The following PCDHGA1 variants were observed in gnomAD, a reference collection of about 807,000 sequenced individuals.
The protein encoded by PCDHGA1 is protocadherin gamma-A1.
A neutral mutation model predicts 58.0 loss-of-function variants in PCDHGA1; 32 were observed. The ratio of observed to expected loss-of-function variants is 0.55; its 90% CI spans 0.42 to 0.74. The LOEUF is 0.74. Ranked by LOEUF, PCDHGA1 falls within the 30% of genes least tolerant of loss-of-function variation. PCDHGA1 has a pLI of 0.00. For missense variants in PCDHGA1, 1,205 were observed against 1,182.3 expected (o/e 1.02, Z -0.28); for synonymous variants, 498 against 501.1 (o/e 0.99, Z 0.08).
In PCDHGA1 at chr5:141,477,787, C is replaced by A; in HGVS notation, c.2422-17020C>A. The stretch of plus-strand genomic sequence containing the variant: ...CCAACATCAGCGTGAACATATTTGT[C>A]ACTGATCGCAATGACAATGCCCCCC... On this transcript the variant is annotated intron_variant, in intron 1 of 3. Transcript: ENST00000517417. The surrounding 1 kb of genome is among the most constrained non-coding windows in gnomAD (Gnocchi z 4.9). The A allele has an allele frequency of 6.2e-7, 1 of 1,614,092 alleles. No homozygotes were observed. The highest frequency in any genetic ancestry group is 8.5e-7 in the Non-Finnish European group (1 of 1,180,034).
chr5:141,422,790 C>G, intron 1 of PCDHGA1: 1 of 1,614,060 alleles, frequency 6.2e-7, no homozygotes, highest in South Asian at 1.1e-5. Context: ...TACAATCCTT[C>G]GACTATGAGC....
chr5:141,477,212 C>T lies in PCDHGA1; in HGVS notation c.2422-17595C>T, dbSNP rs1488282405. On this transcript the variant is annotated intron_variant, in intron 1 of 3. Coordinates refer to ENST00000517417, the MANE Select transcript of PCDHGA1 (RefSeq NM_018912.3). This position sits in a 1 kb window ranked among gnomAD's most constrained non-coding sequence, Gnocchi z 4.9. ...GTACAGCCCAGTACCCGAGGATGCC[C>T]CTCTGGGGACTGTCATCGCTTTGCT... 11 of 1,614,048 alleles carry T rather than the reference C, an allele frequency of 6.8e-6. No individual in the cohort carries two copies. The highest frequency in any genetic ancestry group is 1.3e-5 in the African/African-American group (1 of 74,918).
At chr5:141,349,316 C>A (rs1052466921) in intron 1 of PCDHGA1, among the ~76,000 whole-genome samples, 2 of 152,140 alleles carry the variant, frequency 1.3e-5, no homozygotes, top group African/African-American at 4.8e-5. Context: ...GTGTTCTTCC[C>A]ACCTTGGCCT....
At chr5:141,408,590 G>A (rs776799830) in intron 1 of PCDHGA1, 4 of 1,613,956 alleles carry the variant, frequency 2.5e-6, no homozygotes, top group East Asian at 2.2e-5. Context: ...TAATGACCAC[G>A]CCCCTCAATT....
Position 141,490,177 on chromosome 5 carries a change from T to C in PCDHGA1, c.2422-4630T>C, listed in dbSNP as rs780298274. 12 of 1,613,622 alleles carry C rather than the reference T, an allele frequency of 7.4e-6. No individual in the cohort carries two copies. The highest frequency in any genetic ancestry group is 1.0e-5 in the Non-Finnish European group (12 of 1,179,932). On this transcript the variant is annotated intron_variant, in intron 1 of 3. Transcript: ENST00000517417. This position sits in a 1 kb window ranked among gnomAD's most constrained non-coding sequence, Gnocchi z 5.4. The stretch of plus-strand genomic sequence containing the variant: ...GTTGGGTCCCATAGACTTTGAGGAG[T>C]CACGTTTCTATGAAATTCATGCAAG...
At chr5:141,415,740 G>GTTTTTTTTTTTTTTTTTTTTTTTTTTT (rs57426385) in intron 1 of PCDHGA1, 4 of 625,042 alleles carry the variant, frequency 6.4e-6, no homozygotes, top group Non-Finnish European at 6.4e-6. Flanking sequence ...GTTTATTAAG[G>GTTTTTTTTTTTTTTTTTTTTTTTTTTT]TTTTTTTTTT....
chr5:141,491,869 G>C lies in PCDHGA1; in HGVS notation c.2422-2938G>C. On this transcript the variant is annotated intron_variant, in intron 1 of 3. Transcript: ENST00000517417. This position sits in a 1 kb window ranked among gnomAD's most constrained non-coding sequence, Gnocchi z 6.9. ...GGACCGTTTGCGCGAAACCAGAGTG[G>C]CCGATTAAGGGATGGGGCTCCGAGC... The C allele has an allele frequency of 6.9e-7, 1 of 1,453,094 alleles. No homozygotes were observed. Among genetic ancestry groups the C allele is most frequent in the South Asian group, 1.5e-5 (1 of 68,080 alleles). 90.0% of individuals were successfully genotyped at this position (1,453,094 alleles called of 1,614,324 possible).
intron 1 of PCDHGA1, among the ~76,000 whole-genome samples, chr5:141,438,587 CATACATAT>C (rs1166583123): frequency 1.2e-4 from 9 of 73,430 alleles, no homozygotes; most frequent in Non-Finnish European, 1.6e-4. Flanking sequence ...TACATACATA[CATACATAT>C]ATATATATAT....
At chr5:141,469,111 T>TA (rs1275770294) in intron 1 of PCDHGA1, among the ~76,000 whole-genome samples, 1 of 151,476 alleles carries the variant, frequency 6.6e-6, no homozygotes, top group African/African-American at 2.4e-5. Context: ...AACCTGTCTC[T>TA]AAAAAAATTT....
At chr5:141,454,625 C>T (rs1193628253) in intron 1 of PCDHGA1, among the ~76,000 whole-genome samples, 2 of 151,512 alleles carry the variant, frequency 1.3e-5, no homozygotes, top group East Asian at 1.9e-4. Flanking sequence ...AGGCTGGTCT[C>T]GAACCCCCAA....
intron 1 of PCDHGA1, among the ~76,000 whole-genome samples, chr5:141,405,786 T>C (rs72790035): frequency 0.064 from 9,727 of 151,196 alleles, 364 homozygotes; most frequent in African/African-American, 0.1. Context: ...CCCTTAACTT[T>C]CTATTATAGT....
chr5:141,405,229 C>T, intron 1 of PCDHGA1: 1 of 1,614,144 alleles, frequency 6.2e-7, no homozygotes, highest in Non-Finnish European at 8.5e-7. Context: ...AGTTCTCCCT[C>T]ACCGCTGACT....
At chr5:141,399,751 G>T (rs564705346) in intron 1 of PCDHGA1, 2 of 1,613,322 alleles carry the variant, frequency 1.2e-6, no homozygotes, top group Non-Finnish European at 1.7e-6. Context: ...CAGCGCAAAC[G>T]TGAGCCTGCG....
At chr5:141,461,354 C>T (rs1189322704) in intron 1 of PCDHGA1, among the ~76,000 whole-genome samples, 2 of 152,054 alleles carry the variant, frequency 1.3e-5, no homozygotes, top group Non-Finnish European at 2.9e-5. Context: ...GGTGGTAGCT[C>T]GTTGTGGTTT....
chr5:141,351,167 T>C, intron 1 of PCDHGA1: 7 of 1,613,944 alleles, frequency 4.3e-6, no homozygotes, highest in Non-Finnish European at 5.9e-6. Context: ...CAATGGCACA[T>C]TGGATTTTGA....
intron 1 of PCDHGA1, chr5:141,351,209 G>A (rs764944772): frequency 6.2e-7 from 1 of 1,614,032 alleles, no homozygotes; most frequent in Non-Finnish European, 8.5e-7. Flanking sequence ...GAGTGTGGAA[G>A]CTAAGGATGG....
In PCDHGA1 at chr5:141,340,273, G is replaced by C. The variant is rs369542772; in HGVS notation, c.2421+7168G>C. On this transcript the variant is annotated intron_variant, in intron 1 of 3. Coordinates refer to ENST00000517417, the MANE Select transcript of PCDHGA1 (RefSeq NM_018912.3). ...ATGGAGGGAACCCCTCCCTGTCCAC[G>C]GATGCTCACATTTTGCTCCAGGTGG... 7.4e-6 allele frequency: 12 copies of C among 1,614,060 alleles called. No homozygotes were observed. In the East Asian group the frequency reaches 2.7e-4, roughly 36 times the overall value.
Position 141,383,135 on chromosome 5 carries a change from A to T in PCDHGA1, c.2421+50030A>T. On this transcript the variant is annotated intron_variant, in intron 1 of 3. Coordinates refer to ENST00000517417, the MANE Select transcript of PCDHGA1 (RefSeq NM_018912.3). ...AGGACGCAGCTTTTCGCCCTGAACC[A>T]GCGCAGCGGCAGCTTGGTCACTGCG... The T allele has an allele frequency of 1.2e-5, 20 of 1,614,114 alleles. No homozygotes were observed. Among genetic ancestry groups the T allele is most frequent in the Non-Finnish European group, 1.7e-5 (20 of 1,179,996 alleles).
intron 1 of PCDHGA1, among the ~76,000 whole-genome samples, chr5:141,448,629 C>T (rs1188418541): frequency 6.6e-6 from 1 of 152,060 alleles, no homozygotes; most frequent in Non-Finnish European, 1.5e-5. Flanking sequence ...CCTTTCTTCA[C>T]ATTATATCCT....
Sources: gnomAD v4.1 joint callset for allele counts (sites outside exome capture counted in the v4.1 genomes callset) on GRCh38, gnomAD v4.1.1 for gene constraint, Gnocchi (gnomAD v3.1) non-coding constraint, MANE v1.5 for transcripts, NCBI Gene and HGNC (gene_info 2026-07-23, HGNC 2026-07-21) for gene names.